The following L3MBTL4 variants were observed in gnomAD, a reference collection of about 807,000 sequenced individuals.
The protein encoded by L3MBTL4 is L3MBTL histone methyl-lysine binding protein 4, also known as lethal(3)malignant brain tumor-like protein 4.
Under a neutral mutation model 84.5 loss-of-function variants are expected in L3MBTL4, and 70 were observed. The ratio of observed to expected loss-of-function variants is 0.83; its 90% CI spans 0.68 to 1.01. The LOEUF (loss-of-function observed/expected upper bound fraction) is 1.01, where lower values mean the gene tolerates loss of function less well. Ranked by LOEUF, L3MBTL4 falls within the 50% of genes least tolerant of loss-of-function variation. The pLI is 0.00. For synonymous variants in L3MBTL4, 274 were observed against 259.8 expected, an observed-to-expected ratio of 1.05 and a Z score of -0.52; for missense variants, 715 against 754.8, an observed-to-expected ratio of 0.95 and a Z score of 0.62.
intron 13 of L3MBTL4, among the ~76,000 whole-genome samples, chr18:6,155,942 A>C (rs1485370381): frequency 6.6e-6 from 1 of 152,170 alleles, no homozygotes. Flanking sequence ...TTGTAAAATA[A>C]AACTATGACG....
intron 16 of L3MBTL4, chr18:6,079,827 A>T (rs2058008192): frequency 6.6e-6 from 1 of 152,210 alleles, no homozygotes; most frequent in Admixed American, 6.5e-5. Context: ...GATTTATTTT[A>T]TTTAAAGCAG....
At chr18:5,959,075 T>C (rs1444088368) in intron 18 of L3MBTL4, among the ~76,000 whole-genome samples, 2 of 152,148 alleles carry the variant, frequency 1.3e-5, no homozygotes, top group African/African-American at 4.8e-5. Flanking sequence ...TGATGCTGAG[T>C]TCCTCTACTG....
At chr18:5,977,136 G>C (rs778305296) in intron 16 of L3MBTL4, among the ~76,000 whole-genome samples, 9 of 152,160 alleles carry the variant, frequency 5.9e-5, no homozygotes, top group Non-Finnish European at 1.0e-4. Flanking sequence ...TGGTCCCTCT[G>C]CACTCAGGCC....
intron 1 of L3MBTL4, among the ~76,000 whole-genome samples, chr18:6,336,113 T>C (rs548856629): frequency 1.3e-5 from 2 of 152,254 alleles, no homozygotes; most frequent in African/African-American, 4.8e-5. Flanking sequence ...GGTATCTAAG[T>C]AGGATGTAAT....
chr18:6,237,826 G>A (rs1321266688), intron 10 of L3MBTL4, 138 bp downstream of exon 10: 1 of 690,396 alleles, frequency 1.4e-6, no homozygotes, highest in Non-Finnish European at 2.5e-6. Flanking sequence ...GACACTTGGT[G>A]GTCAACAGAA....
intron 17 of L3MBTL4, among the ~76,000 whole-genome samples, chr18:5,963,977 G>A (rs1015142262): frequency 2.0e-5 from 3 of 152,358 alleles, no homozygotes; most frequent in African/African-American, 4.8e-5. Flanking sequence ...TTCAAAGGGG[G>A]TGATCATGCT....
chr18:6,269,301 C>A (rs1188277760), intron 4 of L3MBTL4, among the ~76,000 whole-genome samples: 1 of 151,724 alleles, frequency 6.6e-6, no homozygotes, highest in East Asian at 1.9e-4. Flanking sequence ...ACTAAAAATA[C>A]AAAAAATTAG....
intron 4 of L3MBTL4, among the ~76,000 whole-genome samples, chr18:6,274,322 A>T (rs925291993): frequency 1.3e-5 from 2 of 152,174 alleles, no homozygotes; most frequent in African/African-American, 4.8e-5. Context: ...GGTGATTCTG[A>T]TGCAGCTAAC....
In L3MBTL4 at chr18:6,031,386, A is replaced by G. The variant is rs148198004; in HGVS notation, c.1444+49495T>C. 131 of 985,436 alleles carry G rather than the reference A, an allele frequency of 1.3e-4. No individual in the cohort carries two copies. The African/African-American group carries it at 2.1e-3, about 16-fold the overall frequency. The allele number at this position is 985,436 out of a possible 1,614,324, so 61.0% of individuals were successfully genotyped here. Reference sequence around the variant, plus strand: ...TGTAGATAGCAAGAGAATGTATATGAGGTGCTACTTCTTTGTGGCCGTCTA... The same window carrying G: ...TGTAGATAGCAAGAGAATGTATATGGGGTGCTACTTCTTTGTGGCCGTCTA... On this transcript the variant is annotated intron_variant, in intron 16 of 18. Transcript: ENST00000317931.
chr18:6,064,598 G>T (rs866201350), intron 16 of L3MBTL4, among the ~76,000 whole-genome samples: 3,902 of 140,792 alleles, frequency 0.028, 91 homozygotes, highest in African/African-American at 0.061. Flanking sequence ...ATATTCCTAG[G>T]TTTTTTTTTT....
intron 15 of L3MBTL4, among the ~76,000 whole-genome samples, chr18:6,088,764 T>C (rs191305739): frequency 2.0e-3 from 299 of 152,352 alleles, no homozygotes; most frequent in Non-Finnish European, 3.1e-3. Flanking sequence ...AAGGTACTTA[T>C]GTTGCAGCCA....
At chr18:6,283,098 T>A (rs1192495952) in intron 4 of L3MBTL4, among the ~76,000 whole-genome samples, 1 of 152,232 alleles carries the variant, frequency 6.6e-6, no homozygotes, top group Non-Finnish European at 1.5e-5. Flanking sequence ...AGCCCTTTCA[T>A]CCCAAAATAA....
At chr18:5,979,269 G>C (rs577665744) in intron 16 of L3MBTL4, among the ~76,000 whole-genome samples, 3 of 152,236 alleles carry the variant, frequency 2.0e-5, no homozygotes, top group African/African-American at 7.2e-5. Flanking sequence ...CTTGAACAGA[G>C]AGACCCCTGA....
chr18:5,965,192 C>T (rs1407958416), intron 17 of L3MBTL4, among the ~76,000 whole-genome samples: 1 of 152,198 alleles, frequency 6.6e-6, no homozygotes, highest in Non-Finnish European at 1.5e-5. Context: ...ACTTCAAAGC[C>T]TACCTACACT....
intron 14 of L3MBTL4, among the ~76,000 whole-genome samples, chr18:6,118,208 AACAC>A (rs60207558): frequency 1.4e-5 from 2 of 141,778 alleles, no homozygotes; most frequent in Non-Finnish European, 3.1e-5. Flanking sequence ...AACACACACA[AACAC>A]ACACACACAC....
chr18:6,306,084 CA>C (rs1392397452), intron 3 of L3MBTL4, among the ~76,000 whole-genome samples: 1 of 152,204 alleles, frequency 6.6e-6, no homozygotes, highest in Non-Finnish European at 1.5e-5. Context: ...ACATTGGTTT[CA>C]TGGACTGTAG....
At chr18:5,973,074 C>T (rs1488302054) in intron 16 of L3MBTL4, among the ~76,000 whole-genome samples, 1 of 152,152 alleles carries the variant, frequency 6.6e-6, no homozygotes, top group African/African-American at 2.4e-5. Flanking sequence ...GTTACTGTTA[C>T]AAGTTATAAA....
At chr18:5,996,155 A>C (rs1375342596) in intron 16 of L3MBTL4, among the ~76,000 whole-genome samples, 2 of 152,250 alleles carry the variant, frequency 1.3e-5, no homozygotes, top group African/African-American at 2.4e-5. Context: ...CTCGACAGCT[A>C]AAAATGTCAA....
chr18:6,271,832 G>A (rs2048885205), intron 4 of L3MBTL4, among the ~76,000 whole-genome samples: 1 of 152,166 alleles, frequency 6.6e-6, no homozygotes. Flanking sequence ...GATCAGCAGC[G>A]TTAAAGGCTC....
Sources: gnomAD v4.1 joint callset for allele counts (sites outside exome capture counted in the v4.1 genomes callset) on GRCh38, gnomAD v4.1.1 for gene constraint, MANE v1.5 for transcripts, NCBI Gene and HGNC (gene_info 2026-07-23, HGNC 2026-07-21) for gene names.